Variants in ULK4 observed in about 807,000 individuals in gnomAD.
ULK4 encodes the protein unc-51 like kinase 4.
Under a neutral mutation model 160.6 loss-of-function variants are expected in ULK4, and 133 were observed. The ratio of observed to expected loss-of-function variants is 0.83; its 90% confidence interval spans 0.72 to 0.96. The LOEUF (loss-of-function observed/expected upper bound fraction) is 0.96. Among genes scored for constraint, ULK4 ranks in the 40% least tolerant of loss-of-function variants. ULK4 has a pLI of 0.00. For synonymous variants in ULK4, 534 were observed against 539.8 expected, an observed-to-expected ratio of 0.99 and a Z score of 0.15; for missense variants, 1,580 against 1,499.5, an observed-to-expected ratio of 1.05 and a Z score of -0.89.
intron 17 of ULK4, among the ~76,000 whole-genome samples, chr3:41,863,629 T>C (rs2125686556): frequency 6.6e-6 from 1 of 152,134 alleles, no homozygotes; most frequent in Non-Finnish European, 1.5e-5. Flanking sequence ...CTGCTGGTTA[T>C]TCAGGGCCCA....
chr3:41,598,578 A>G (rs569280586), intron 31 of ULK4, among the ~76,000 whole-genome samples: 6 of 152,290 alleles, frequency 3.9e-5, no homozygotes, highest in African/African-American at 1.2e-4. Flanking sequence ...ACAGCATTAG[A>G]AAAAAATATC....
intron 31 of ULK4, among the ~76,000 whole-genome samples, chr3:41,581,731 G>C (rs9846536): frequency 2.0e-5 from 3 of 151,990 alleles, no homozygotes; most frequent in Admixed American, 6.5e-5. Flanking sequence ...TCAGACAAAC[G>C]CAACAGGCTA....
intron 34 of ULK4, among the ~76,000 whole-genome samples, chr3:41,424,514 C>T (rs2082732923): frequency 6.6e-6 from 1 of 152,148 alleles, no homozygotes; most frequent in South Asian, 2.1e-4. Flanking sequence ...CAAGAGCATT[C>T]CAACTGGCAT....
intron 32 of ULK4, among the ~76,000 whole-genome samples, chr3:41,539,508 C>T (rs143951141): frequency 2.4e-3 from 368 of 151,256 alleles, no homozygotes; most frequent in East Asian, 0.013. Context: ...GTGGTTTCTA[C>T]TTCACTCTAT....
At chr3:41,403,519 T>C (rs1486505659) in intron 34 of ULK4, among the ~76,000 whole-genome samples, 2 of 152,200 alleles carry the variant, frequency 1.3e-5, no homozygotes, top group Admixed American at 1.3e-4. Context: ...TCAATTGTAC[T>C]GATTTTTTTT....
At chr3:41,844,351 C>T (rs1200123315) in intron 17 of ULK4, among the ~76,000 whole-genome samples, 3 of 152,176 alleles carry the variant, frequency 2.0e-5, no homozygotes, top group African/African-American at 4.8e-5. Context: ...AAATCGAGCG[C>T]AGCGCCGGTG....
intron 17 of ULK4, 66 bp from the exon 18 acceptor site, chr3:41,836,037 G>A (rs1040680944): frequency 3.6e-6 from 4 of 1,112,890 alleles, no homozygotes; most frequent in East Asian, 2.5e-5. Flanking sequence ...AAACCTATAT[G>A]TAAAAAGCAG....
chr3:41,456,297 A>AG (rs1211092417), intron 33 of ULK4, among the ~76,000 whole-genome samples: 1 of 152,198 alleles, frequency 6.6e-6, no homozygotes, highest in Non-Finnish European at 1.5e-5. Context: ...AACATCTCAC[A>AG]GTTAAGGAGT....
chr3:41,821,563 G>T (rs1430089798), intron 18 of ULK4, among the ~76,000 whole-genome samples: 1 of 152,122 alleles, frequency 6.6e-6, no homozygotes, highest in Non-Finnish European at 1.5e-5. Context: ...TTGGGCTCAG[G>T]ATCCCATCCC....
rs143621818 is a variant in ULK4, at chr3:41,311,877, C to CATATATATAT, written c.3679-62313_3679-62304dup. Among the ~76,000 whole-genome samples, 132 of 146,632 alleles carry CATATATATAT rather than the reference C, an allele frequency of 9.0e-4. 2 individuals are homozygous for CATATATATAT. The highest frequency in any genetic ancestry group is 3.3e-3 in the African/African-American group (126 of 38,476). ...CCACTGCACCCGGCCAAACTCTCCT[C>CATATATATAT]ATATATATATATATATATCCTATTA... On this transcript the variant is annotated intron_variant, in intron 35 of 36. Transcript: ENST00000301831.
At chr3:41,370,320 C>T (rs2081338084) in intron 35 of ULK4, among the ~76,000 whole-genome samples, 1 of 152,174 alleles carries the variant, frequency 6.6e-6, no homozygotes, top group Admixed American at 6.5e-5. Flanking sequence ...CAGAGACTAT[C>T]ACTTTATGAT....
intron 18 of ULK4, among the ~76,000 whole-genome samples, chr3:41,826,098 C>T (rs2041338545): frequency 6.6e-6 from 1 of 152,112 alleles, no homozygotes; most frequent in South Asian, 2.1e-4. Flanking sequence ...ACTTTACAGA[C>T]AAACAAATTT....
At position 41,726,078 on chromosome 3, in the gene ULK4, A is replaced by G. The variant is rs951151709; in HGVS notation, c.2322-8217T>C. On this transcript the variant is annotated intron_variant, in intron 22 of 36. Transcript: ENST00000301831. Reference sequence around the variant, plus strand: ...AAAAAAAGCAAATTCACACTTGTCTATAAGGAATAAATTTTTCTCTAAAGT... The same window carrying G: ...AAAAAAAGCAAATTCACACTTGTCTGTAAGGAATAAATTTTTCTCTAAAGT... Among the ~76,000 whole-genome samples, 3 of 152,252 alleles carry G rather than the reference A, an allele frequency of 2.0e-5. No homozygotes were observed. In the East Asian group the frequency reaches 5.8e-4, roughly 29 times the overall value.
intron 34 of ULK4, among the ~76,000 whole-genome samples, chr3:41,406,734 C>A (rs1362071099): frequency 2.0e-5 from 3 of 152,124 alleles, no homozygotes; most frequent in Admixed American, 2.0e-4. Flanking sequence ...CCAGTGATGA[C>A]CATTAAATTT....
intron 32 of ULK4, among the ~76,000 whole-genome samples, chr3:41,471,924 T>A: frequency 7.1e-6 from 1 of 140,072 alleles, no homozygotes; most frequent in East Asian, 2.0e-4. Context: ...AACAACTTAA[T>A]GTTATATCTC....
At chr3:41,883,609 C>G (rs1237062138) in intron 17 of ULK4, among the ~76,000 whole-genome samples, 1 of 152,122 alleles carries the variant, frequency 6.6e-6, no homozygotes, top group Non-Finnish European at 1.5e-5. Flanking sequence ...ATGAAAAAAG[C>G]CTTATTCAAA....
chr3:41,250,042 G>T (rs2078716693), intron 35 of ULK4, among the ~76,000 whole-genome samples: 1 of 152,158 alleles, frequency 6.6e-6, no homozygotes, highest in South Asian at 2.1e-4. Flanking sequence ...TGGGAGAGAG[G>T]CATTAATAAC....
chr3:41,520,086 AT>A lies in ULK4; in HGVS notation c.3226+45938del, dbSNP rs138582546. Among the ~76,000 whole-genome samples, 69 of 152,260 alleles carry A rather than the reference AT, an allele frequency of 4.5e-4. No individual in the cohort carries two copies. The East Asian group carries it at 0.013, about 28-fold the overall frequency. Reference sequence around the variant, plus strand: ...ACCATAAAAATGTACCATTTTAACTATTTTTTAAGTATATAATTCAGTGGCA... The same window carrying A: ...ACCATAAAAATGTACCATTTTAACTATTTTTAAGTATATAATTCAGTGGCA... On this transcript the variant is annotated intron_variant, in intron 32 of 36. Coordinates refer to ENST00000301831, the MANE Select transcript of ULK4 (RefSeq NM_017886.4).
At chr3:41,915,764 C>T (rs1376609030) in intron 8 of ULK4, among the ~76,000 whole-genome samples, 1 of 152,122 alleles carries the variant, frequency 6.6e-6, no homozygotes, top group Non-Finnish European at 1.5e-5. Flanking sequence ...ATTAAAAACA[C>T]CTGCAAACTG....
Sources: allele counts gnomAD v4.1 joint callset (sites outside exome capture counted in the v4.1 genomes callset), GRCh38; gene constraint gnomAD v4.1.1; transcripts MANE v1.5; gene names NCBI Gene and HGNC (gene_info 2026-07-23, HGNC 2026-07-21).